THBS4: variants seen among roughly 807,000 people sequenced by gnomAD.
The protein encoded by THBS4 is thrombospondin-4.
Under a neutral mutation model 115.7 loss-of-function variants are expected in THBS4, and 90 were observed. That is an observed-to-expected ratio of 0.78 (90% CI 0.66 to 0.93). THBS4 has a LOEUF of 0.93. Ranked by LOEUF, THBS4 falls within the 40% of genes least tolerant of loss-of-function variation. The probability of loss-of-function intolerance (pLI) is 0.00; values close to 1 mark genes in which losing one functional copy is unlikely to be tolerated. For missense variants in THBS4, 1,087 were observed against 1,232.7 expected, an observed-to-expected ratio of 0.88 and a Z score of 1.77; for synonymous variants, 460 against 479.3, an observed-to-expected ratio of 0.96 and a Z score of 0.53.
At chr5:80,023,314 T>G (rs138909921) in intron 2 of THBS4, among the ~76,000 whole-genome samples, 61 of 152,328 alleles carry the variant, frequency 4.0e-4, no homozygotes, top group African/African-American at 1.5e-3. Context: ...CGTATCTCTA[T>G]ATAAAGTAAC....
intron 2 of THBS4, among the ~76,000 whole-genome samples, chr5:80,041,876 T>C (rs1409184935): frequency 6.6e-6 from 1 of 152,252 alleles, no homozygotes; most frequent in Non-Finnish European, 1.5e-5. Flanking sequence ...TTCCTAGTGC[T>C]TCAAACTCTC....
intron 12 of THBS4, 92 bp downstream of exon 12, chr5:80,070,842 C>A: frequency 6.4e-7 from 1 of 1,560,936 alleles, no homozygotes; most frequent in East Asian, 2.3e-5. Flanking sequence ...TGAATCATCC[C>A]AAATGTTAGT....
chr5:80,058,379 G>C, intron 4 of THBS4, 65 bp downstream of exon 4: 1 of 1,234,302 alleles, frequency 8.1e-7, no homozygotes, highest in Admixed American at 2.1e-5. Context: ...TGAATAGGCT[G>C]GGTCCCATCA....
intron 2 of THBS4, among the ~76,000 whole-genome samples, chr5:80,022,287 C>G (rs543913080): frequency 6.6e-6 from 1 of 152,146 alleles, no homozygotes; most frequent in African/African-American, 2.4e-5. Flanking sequence ...TTTAAAATTT[C>G]TACCCCAAGT....
chr5:80,017,586 G>A (rs577670520), intron 2 of THBS4, among the ~76,000 whole-genome samples: 2 of 152,216 alleles, frequency 1.3e-5, no homozygotes, highest in South Asian at 4.1e-4. Flanking sequence ...GAGTGTGTTA[G>A]TTCTATTTTG....
At chr5:80,045,801 G>C (rs1303430495) in intron 2 of THBS4, among the ~76,000 whole-genome samples, 1 of 152,112 alleles carries the variant, frequency 6.6e-6, no homozygotes, top group Admixed American at 6.5e-5. Context: ...AAAGTGCTGG[G>C]ATTACAGCCG....
rs1253389540 is a variant in THBS4 at position 80,043,512 on chromosome 5, C to G, written c.292+3232C>G. 2.0e-5 allele frequency among the ~76,000 whole-genome samples: 3 copies of G among 152,160 alleles called. No homozygotes were observed. The East Asian group carries it at 5.8e-4, about 29-fold the overall frequency. Reference sequence around the variant, plus strand: ...CTGATTTGCGTGGAAAACGGTGAAACAGAAGAAATCCAAGTGGATCTCTAC... The same window carrying G: ...CTGATTTGCGTGGAAAACGGTGAAAGAGAAGAAATCCAAGTGGATCTCTAC... On this transcript the variant is annotated intron_variant, in intron 2 of 21. Coordinates refer to ENST00000350881, the MANE Select transcript of THBS4 (RefSeq NM_003248.6).
chr5:80,065,536 T>G, intron 9 of THBS4, 59 bp downstream of exon 9: 2 of 1,508,490 alleles, frequency 1.3e-6, no homozygotes, highest in Non-Finnish European at 1.8e-6. Flanking sequence ...AACAAGTGTA[T>G]GTTTATAGAT....
intron 1 of THBS4, among the ~76,000 whole-genome samples, chr5:80,039,692 T>C (rs1222886796): frequency 6.6e-6 from 1 of 152,224 alleles, no homozygotes; most frequent in Non-Finnish European, 1.5e-5. Flanking sequence ...AGAAATTCAC[T>C]GCTTGGGGAC....
chr5:80,051,845 T>C (rs1432542553), intron 2 of THBS4, among the ~76,000 whole-genome samples: 1 of 152,238 alleles, frequency 6.6e-6, no homozygotes, highest in Non-Finnish European at 1.5e-5. Context: ...AAATAAACCA[T>C]GGCCCACATA....
intron 20 of THBS4, 52 bp downstream of exon 20, chr5:80,080,129 G>C (rs372855749): frequency 1.3e-6 from 2 of 1,558,818 alleles, no homozygotes; most frequent in African/African-American, 2.7e-5. Flanking sequence ...AGCATTCTCC[G>C]TTCTGCATCC....
chr5:80,013,881 T>A (rs1481924087), intron 2 of THBS4, among the ~76,000 whole-genome samples: 1 of 152,218 alleles, frequency 6.6e-6, no homozygotes, highest in African/African-American at 2.4e-5. Context: ...ACAGTTCTAA[T>A]AGTAGATACC....
intron 9 of THBS4, chr5:80,067,153 G>T (rs986800461): frequency 1.3e-5 from 2 of 152,110 alleles, no homozygotes; most frequent in African/African-American, 4.8e-5. Flanking sequence ...TAAGAGAGCA[G>T]ATCTTAAGTG....
At position 80,039,999 on chromosome 5, in the gene THBS4, C is replaced by A. The variant is rs958435404; in HGVS notation, c.89-78C>A. The A allele has an allele frequency of 5.1e-6, 6 of 1,185,970 alleles. No individual in the cohort carries two copies. The South Asian group carries it at 6.3e-5, about 13-fold the overall frequency. The allele number at this position is 1,185,970 out of a possible 1,614,324, so 73.5% of individuals were successfully genotyped here. ...CTTTGTAGCTTACTGTCAAATTGCA[C>A]CCCCCCCAAACAAAGAAACCCTGTT... On this transcript the variant is annotated intron_variant, in intron 1 of 21. Transcript: ENST00000350881.
rs201703071 is a variant in THBS4 at position 80,073,339 on chromosome 5, C to G, written c.1892+12C>G. ...ACCAATCAGGACAGGTATGGCATGT[C>G]TCCCAACTGCAGAGAGACAGATGCA... On this transcript the variant is annotated intron_variant, in intron 15 of 21. Coordinates refer to ENST00000350881, the MANE Select transcript of THBS4 (RefSeq NM_003248.6). 3.2e-5 allele frequency: 51 copies of G among 1,612,904 alleles called. No homozygotes were observed. The highest frequency in any genetic ancestry group is 3.3e-4 in the Middle Eastern group (2 of 6,052).
At position 80,059,114 on chromosome 5, in the gene THBS4, G is replaced by A. The variant is rs1234839657; in HGVS notation, c.732+324G>A. On this transcript the variant is annotated intron_variant, in intron 5 of 21. Transcript: ENST00000350881. Reference sequence around the variant, plus strand: ...TGGGAGGCTGAGGTGGGCAGATCACGAGGTGAGGAGCTCGAGACCAGCCTG... The same window carrying A: ...TGGGAGGCTGAGGTGGGCAGATCACAAGGTGAGGAGCTCGAGACCAGCCTG... Among the ~76,000 whole-genome samples the A allele has an allele frequency of 3.3e-5, 5 of 152,082 alleles. No individual in the cohort carries two copies. The East Asian group carries it at 5.8e-4, about 18-fold the overall frequency.
chr5:80,045,594 G>A lies in THBS4; in HGVS notation c.292+5314G>A, dbSNP rs987646105. On this transcript the variant is annotated intron_variant, in intron 2 of 21. Coordinates refer to ENST00000350881, the MANE Select transcript of THBS4 (RefSeq NM_003248.6). ...TGCCCAGGTTGGAGTGCAATGGCGC[G>A]ATCTTGGCTCACTGCAACCTCCGCC... 6.0e-5 allele frequency among the ~76,000 whole-genome samples: 9 copies of A among 149,730 alleles called. No individual in the cohort carries two copies. In the East Asian group the frequency reaches 1.2e-3, roughly 20 times the overall value.
intron 8 of THBS4, among the ~76,000 whole-genome samples, chr5:80,063,733 G>A (rs1167315561): frequency 6.6e-6 from 1 of 152,226 alleles, no homozygotes; most frequent in African/African-American, 2.4e-5. Context: ...AAGGTACTTG[G>A]TGTAAGGTAG....
upstream of THBS4, among the ~76,000 whole-genome samples, chr5:80,031,688 AG>A (rs1160647475): frequency 6.6e-6 from 1 of 152,236 alleles, no homozygotes; most frequent in Non-Finnish European, 1.5e-5. Context: ...GCAAAGGCAA[AG>A]GTGCAGGAGT....
Sources: allele counts gnomAD v4.1 joint callset (sites outside exome capture counted in the v4.1 genomes callset), GRCh38; gene constraint gnomAD v4.1.1; transcripts MANE v1.5; gene names NCBI Gene and HGNC (gene_info 2026-07-23, HGNC 2026-07-21).